The following MMP16 variants were observed in gnomAD, a reference collection of about 807,000 sequenced individuals.
MMP16 encodes the protein matrix metalloproteinase-16.
Under a neutral mutation model 67.8 loss-of-function variants are expected in MMP16, and 12 were observed. The observed-to-expected ratio is 0.18, with a 90% CI of 0.11 to 0.29. The LOEUF (loss-of-function observed/expected upper bound fraction) is 0.29, where lower values mean the gene tolerates loss of function less well. MMP16 is among the 10% of genes least tolerant of loss of function. MMP16 has a pLI of 1.00. For missense variants in MMP16, 475 were observed against 765.7 expected, an observed-to-expected ratio of 0.62 and a Z score of 4.48; for synonymous variants, 249 against 255.9, an observed-to-expected ratio of 0.97 and a Z score of 0.26.
At chr8:88,168,013 T>C (rs1309272454) in intron 3 of MMP16, 40 bp from the exon 4 acceptor site, 2 of 1,471,102 alleles carry the variant, frequency 1.4e-6, no homozygotes, top group African/African-American at 1.4e-5. Context: ...TTGTTATGTA[T>C]AAGCTAACTT....
Position 88,058,844 on chromosome 8 carries a change from G to A in MMP16, c.1223-2566C>T, listed in dbSNP as rs1486654980. On this transcript the variant is annotated intron_variant, in intron 7 of 9. Coordinates refer to ENST00000286614, the MANE Select transcript of MMP16 (RefSeq NM_005941.5). The surrounding 1 kb of genome is among the most constrained non-coding windows in gnomAD (Gnocchi z 4.2). Reference sequence around the variant, plus strand: ...AGTCATTGAACAGTTAAATCAAAAAGTTCTTTGACAGTGGTTTGGACCAAC... The same window carrying A: ...AGTCATTGAACAGTTAAATCAAAAAATTCTTTGACAGTGGTTTGGACCAAC... 6.6e-6 allele frequency among the ~76,000 whole-genome samples: 1 copy of A among 152,062 alleles called. No individual in the cohort carries two copies. The highest frequency in any genetic ancestry group is 1.5e-5 in the Non-Finnish European group (1 of 67,968).
chr8:88,210,540 C>T (rs1448650735), intron 1 of MMP16, among the ~76,000 whole-genome samples: 1 of 152,128 alleles, frequency 6.6e-6, no homozygotes, highest in Non-Finnish European at 1.5e-5. Flanking sequence ...CGTACTCTCC[C>T]CCATATACAC....
chr8:88,216,584 A>T (rs1459301108), intron 1 of MMP16, among the ~76,000 whole-genome samples: 1 of 152,178 alleles, frequency 6.6e-6, no homozygotes, highest in East Asian at 1.9e-4. Context: ...TGTCTGGAAT[A>T]GTGCCTCTGT....
chr8:88,191,981 T>C (rs1242696030), intron 2 of MMP16, among the ~76,000 whole-genome samples: 5 of 152,234 alleles, frequency 3.3e-5, no homozygotes, highest in Non-Finnish European at 7.3e-5. Flanking sequence ...TGTTGTACTT[T>C]ATCAACTCAT....
chr8:88,204,835 G>C (rs879753659), intron 1 of MMP16, among the ~76,000 whole-genome samples: 5 of 152,142 alleles, frequency 3.3e-5, no homozygotes, highest in African/African-American at 7.2e-5. Context: ...TCAATATCTA[G>C]ATATTAGATT....
At chr8:88,074,555 A>G (rs1322460319) in intron 7 of MMP16, 50 bp downstream of exon 7, 3 of 1,586,912 alleles carry the variant, frequency 1.9e-6, no homozygotes, top group Admixed American at 3.4e-5. Context: ...ACAGGGTCCT[A>G]TACAAAATGA....
At chr8:88,142,246 AT>A (rs1808224504) in intron 4 of MMP16, among the ~76,000 whole-genome samples, 1 of 152,086 alleles carries the variant, frequency 6.6e-6, no homozygotes, top group Non-Finnish European at 1.5e-5. Flanking sequence ...AAGAGCTAAA[AT>A]TAGAGATAAC....
intron 1 of MMP16, among the ~76,000 whole-genome samples, chr8:88,285,959 A>C (rs545019159): frequency 2.0e-5 from 3 of 152,272 alleles, no homozygotes; most frequent in South Asian, 4.1e-4. Flanking sequence ...CCAGCTTCAT[A>C]TCCCATGGTA....
chr8:88,078,955 C>A (rs146710478), intron 6 of MMP16, among the ~76,000 whole-genome samples: 1 of 152,144 alleles, frequency 6.6e-6, no homozygotes. Context: ...ACCACTGTCA[C>A]CATCCGAGTC....
chr8:88,116,411 T>C, intron 6 of MMP16, 96 bp downstream of exon 6: 2 of 1,049,434 alleles, frequency 1.9e-6, no homozygotes, highest in Non-Finnish European at 1.4e-6. Flanking sequence ...GTGAGAGGGC[T>C]GGGAAGGTAG....
At chr8:88,053,908 C>G (rs1808300422) in intron 8 of MMP16, among the ~76,000 whole-genome samples, 2 of 152,084 alleles carry the variant, frequency 1.3e-5, no homozygotes, top group South Asian at 2.1e-4. Flanking sequence ...AAAGGCATTT[C>G]TATATATTTT....
intron 4 of MMP16, among the ~76,000 whole-genome samples, chr8:88,137,176 T>C (rs1015906312): frequency 6.6e-6 from 1 of 151,888 alleles, no homozygotes; most frequent in African/African-American, 2.4e-5. Context: ...TCTTTTTTTG[T>C]GAAATGCTCG....
chr8:88,129,160 C>T (rs1361337801), intron 4 of MMP16, among the ~76,000 whole-genome samples: 5 of 151,676 alleles, frequency 3.3e-5, no homozygotes. Context: ...TACATAGAAG[C>T]AACTAACCTA....
chr8:88,104,243 T>C (rs931019187), intron 6 of MMP16, among the ~76,000 whole-genome samples: 5 of 151,796 alleles, frequency 3.3e-5, no homozygotes, highest in Non-Finnish European at 7.4e-5. Flanking sequence ...GCCTTGTCAA[T>C]GCATGTATTT....
chr8:88,206,386 C>A (rs570456097), intron 1 of MMP16, among the ~76,000 whole-genome samples: 1 of 152,156 alleles, frequency 6.6e-6, no homozygotes, highest in South Asian at 2.1e-4. Context: ...GTGGAGATTG[C>A]ATGTTCTCCC....
chr8:88,285,109 A>T (rs914500257), intron 1 of MMP16, among the ~76,000 whole-genome samples: 2 of 152,010 alleles, frequency 1.3e-5, no homozygotes, highest in African/African-American at 2.4e-5. Context: ...CAGGGACAAG[A>T]ACAGTTTTTT....
intron 6 of MMP16, among the ~76,000 whole-genome samples, chr8:88,115,350 C>G (rs1466249711): frequency 6.6e-6 from 1 of 151,944 alleles, no homozygotes; most frequent in Admixed American, 6.6e-5. Context: ...CTCTTTGAAT[C>G]TAAGTTTATT....
chr8:88,133,324 T>C (rs1196730252), intron 4 of MMP16, among the ~76,000 whole-genome samples: 3 of 129,880 alleles, frequency 2.3e-5, no homozygotes, highest in Non-Finnish European at 4.9e-5. Context: ...AATTTTGAAA[T>C]GAAGTGTTTA....
At chr8:88,244,029 G>GTT (rs879393673) in intron 1 of MMP16, among the ~76,000 whole-genome samples, 1 of 102,328 alleles carries the variant, frequency 9.8e-6, no homozygotes, top group Non-Finnish European at 1.9e-5. Context: ...CAATAATGAA[G>GTT]TTTTTTTTTT....
Sources: allele counts gnomAD v4.1 joint callset (sites outside exome capture counted in the v4.1 genomes callset), GRCh38; gene constraint gnomAD v4.1.1; non-coding constraint Gnocchi (gnomAD v3.1); transcripts MANE v1.5; gene names NCBI Gene and HGNC (gene_info 2026-07-23, HGNC 2026-07-21).